Variants in GALNT3 observed in about 807,000 individuals in gnomAD.
GALNT3 encodes the protein GalNAc transferase 3.
In GALNT3, 51 loss-of-function variants were observed where a neutral mutation model predicts 69.8. The ratio of observed to expected loss-of-function variants is 0.73; its 90% CI spans 0.58 to 0.92. The LOEUF is 0.92. GALNT3 is among the 40% of genes least tolerant of loss of function. GALNT3 has a pLI of 0.00. For missense variants in GALNT3, 711 were observed against 760.0 expected (o/e 0.94, Z 0.76); for synonymous variants, 265 against 248.5 (o/e 1.07, Z -0.63).
At chr2:165,751,232 C>T (rs998636804) in intron 9 of GALNT3, among the ~76,000 whole-genome samples, 1 of 152,086 alleles carries the variant, frequency 6.6e-6, no homozygotes, top group Admixed American at 6.5e-5. Flanking sequence ...GTCCTTATTA[C>T]ATGTTAGGCA....
intron 2 of GALNT3, among the ~76,000 whole-genome samples, chr2:165,765,521 T>C (rs1378541265): frequency 2.6e-5 from 4 of 151,628 alleles, no homozygotes; most frequent in African/African-American, 9.7e-5. Context: ...ATGGAGTCTC[T>C]CTCTGTCGCC....
intron 1 of GALNT3, among the ~76,000 whole-genome samples, chr2:165,779,079 C>T (rs903277058): frequency 1.4e-4 from 22 of 152,160 alleles, no homozygotes; most frequent in African/African-American, 5.3e-4. Flanking sequence ...GGAACACCAA[C>T]TCTAGAAAAA....
chr2:165,748,278 T>C lies in GALNT3; in HGVS notation c.*503A>G. ...CAAGTAAACCAAACGCAAAAAAAAG[T>C]TCACCTGCATTTTAAACTAATAAAT... On this transcript the variant is annotated 3_prime_UTR_variant, in exon 11 of 11. Transcript: ENST00000392701. 1 of 211,080 alleles carries C rather than the reference T, an allele frequency of 4.7e-6. No homozygotes were observed. The highest frequency in any genetic ancestry group is 7.1e-5 in the East Asian group (1 of 14,102). 13.1% of individuals were successfully genotyped at this position (211,080 alleles called of 1,614,324 possible).
chr2:165,759,112 T>A (rs1223658839), intron 5 of GALNT3, among the ~76,000 whole-genome samples: 1 of 152,200 alleles, frequency 6.6e-6, no homozygotes, highest in Admixed American at 6.5e-5. Flanking sequence ...TTTTAAGTAA[T>A]GATTGATGAG....
chr2:165,786,704 T>C (rs1683231050), intron 1 of GALNT3, among the ~76,000 whole-genome samples: 2 of 152,214 alleles, frequency 1.3e-5, no homozygotes, highest in African/African-American at 4.8e-5. Context: ...AGGCGAACTG[T>C]GCAGGATTTG....
chr2:165,769,616 G>A (rs1325298924), intron 2 of GALNT3, among the ~76,000 whole-genome samples: 2 of 151,658 alleles, frequency 1.3e-5, no homozygotes, highest in African/African-American at 4.8e-5. Context: ...TTAGCCAGCT[G>A]TGGTGGCGGG....
At chr2:165,757,541 T>C (rs568943979) in intron 6 of GALNT3, among the ~76,000 whole-genome samples, 3 of 152,332 alleles carry the variant, frequency 2.0e-5, no homozygotes, top group East Asian at 1.9e-4. Context: ...CAAATAATTA[T>C]GTAAGTTCTC....
At chr2:165,773,518 AG>A (rs1275668915) in intron 1 of GALNT3, among the ~76,000 whole-genome samples, 1 of 152,232 alleles carries the variant, frequency 6.6e-6, no homozygotes, top group African/African-American at 2.4e-5. Context: ...CAAGAAACAC[AG>A]GAAGGATAGA....
Position 165,761,993 on chromosome 2 carries a change from T to C in GALNT3, c.750A>G (p.Arg250=), listed in dbSNP as rs2105410451. The C allele has an allele frequency of 1.9e-6, 3 of 1,610,268 alleles. No homozygotes were observed. Among genetic ancestry groups the C allele is most frequent in the Non-Finnish European group, 2.5e-6 (3 of 1,176,488 alleles). The change falls in exon 4 of 11, where the codon AGA becomes AGG. Residue 250 remains arginine (R), a synonymous_variant. Transcript: ENST00000392701. ...TGATCAGACCTTTTCTTTCTCTTTGTCTGACTATTTTTACTATAGAAAATT... is the reference window on the plus strand; with the variant it reads ...TGATCAGACCTTTTCTTTCTCTTTGCCTGACTATTTTTACTATAGAAAATT... ...VKQFSIVKIV[R]QRERKGLITA...
At chr2:165,764,562 T>C (rs925987640) in intron 3 of GALNT3, among the ~76,000 whole-genome samples, 1 of 152,196 alleles carries the variant, frequency 6.6e-6, no homozygotes, top group African/African-American at 2.4e-5. Flanking sequence ...AGTCATATAG[T>C]TGGTTAGGAA....
At chr2:165,780,692 A>T (rs911103653) in intron 1 of GALNT3, among the ~76,000 whole-genome samples, 2 of 151,518 alleles carry the variant, frequency 1.3e-5, no homozygotes, top group Non-Finnish European at 3.0e-5. Flanking sequence ...TCTTCTAACA[A>T]ATGGACTAAG....
intron 2 of GALNT3, among the ~76,000 whole-genome samples, chr2:165,766,314 C>A (rs1191505204): frequency 6.6e-6 from 1 of 152,196 alleles, no homozygotes; most frequent in East Asian, 1.9e-4. Flanking sequence ...GGGAGAGAGA[C>A]CCTAAGTGCC....
chr2:165,777,282 G>T (rs1682980804), intron 1 of GALNT3, among the ~76,000 whole-genome samples: 1 of 151,742 alleles, frequency 6.6e-6, no homozygotes, highest in African/African-American at 2.4e-5. Context: ...ACCACACTAA[G>T]CAGAAAAAAA....
intron 1 of GALNT3, among the ~76,000 whole-genome samples, chr2:165,790,751 A>T (rs997368759): frequency 6.6e-6 from 1 of 152,158 alleles, no homozygotes; most frequent in African/African-American, 2.4e-5. Flanking sequence ...TCATTGAGGG[A>T]TCTATTTTAA....
intron 3 of GALNT3, among the ~76,000 whole-genome samples, chr2:165,763,501 A>G (rs1015032792): frequency 6.6e-6 from 1 of 152,148 alleles, no homozygotes; most frequent in Non-Finnish European, 1.5e-5. Flanking sequence ...CCTCAAAATA[A>G]TTCTCAGATT....
intron 1 of GALNT3, among the ~76,000 whole-genome samples, chr2:165,772,104 T>G (rs1333406001): frequency 4.6e-5 from 7 of 152,178 alleles, no homozygotes; most frequent in Admixed American, 4.6e-4. Context: ...CTTAAGCTTT[T>G]GAAAAGAATA....
intron 1 of GALNT3, among the ~76,000 whole-genome samples, chr2:165,775,434 G>C (rs1688830631): frequency 6.6e-6 from 1 of 152,172 alleles, no homozygotes; most frequent in Non-Finnish European, 1.5e-5. Context: ...CAGAGGCAGA[G>C]CCTAGAAGTA....
chr2:165,770,014 T>C (rs372383680), intron 2 of GALNT3, 172 bp downstream of exon 2: 1 of 745,964 alleles, frequency 1.3e-6, no homozygotes, highest in Non-Finnish European at 2.3e-6. Context: ...TAAATAGGGA[T>C]ATGTAGCCTC....
Position 165,755,028 on chromosome 2 carries a change from T to G in GALNT3, c.1428A>C (p.Ile476=), listed in dbSNP as rs1250103696. 3.1e-6 allele frequency: 5 copies of G among 1,612,472 alleles called. No homozygotes were observed. In the East Asian group the frequency reaches 1.1e-4, roughly 36 times the overall value. ...AATTTTTACACTGAAGGCGGTGTTT[T>G]ATTTCAAATCTTTTTGAAAGATCAC... ...AFGDLSKRFE[I]KHRLQCKNFT... is the part of the protein sequence containing the mutation. Residue 476 remains isoleucine, a synonymous_variant, in exon 8 of 11, where the codon ATA becomes ATC. Coordinates refer to ENST00000392701, the MANE Select transcript of GALNT3 (RefSeq NM_004482.4).
Sources: allele counts gnomAD v4.1 joint callset (sites outside exome capture counted in the v4.1 genomes callset), GRCh38; gene constraint gnomAD v4.1.1; transcripts MANE v1.5; gene names NCBI Gene and HGNC (gene_info 2026-07-23, HGNC 2026-07-21).